The following RNF144A variants were observed in gnomAD, a reference collection of about 807,000 sequenced individuals.
The protein encoded by RNF144A is ring finger protein 144A.
A neutral mutation model predicts 38.7 loss-of-function variants in RNF144A; 11 were observed. That is an observed-to-expected ratio of 0.28 (90% confidence interval 0.18 to 0.47). The LOEUF is 0.47. Ranked by LOEUF, RNF144A falls within the 20% of genes least tolerant of loss-of-function variation. RNF144A has a pLI of 0.99. For missense variants in RNF144A, 316 were observed against 377.2 expected (o/e 0.84, Z 1.34); for synonymous variants, 149 against 143.9 (o/e 1.04, Z -0.25).
At chr2:7,036,549 A>G (rs778056130) in intron 8 of RNF144A, among the ~76,000 whole-genome samples, 2 of 152,212 alleles carry the variant, frequency 1.3e-5, no homozygotes, top group Non-Finnish European at 2.9e-5. Flanking sequence ...GGCACGATCT[A>G]TCTCTTGTAC....
At chr2:7,067,752 G>T (rs1171430894) in intron 6 of RNF144A, among the ~76,000 whole-genome samples, 2 of 152,200 alleles carry the variant, frequency 1.3e-5, no homozygotes, top group Admixed American at 6.5e-5. Context: ...ACTGTAGCCA[G>T]TCACCTGAAG....
In RNF144A at chr2:7,032,721, G is replaced by A. The variant is rs146419235; in HGVS notation, c.747+2506G>A. Among the ~76,000 whole-genome samples the A allele has an allele frequency of 1.0e-3, 159 of 152,298 alleles. 1 individual carries two copies. The highest frequency in any genetic ancestry group is 3.6e-3 in the African/African-American group (148 of 41,540). On this transcript the variant is annotated intron_variant, in intron 8 of 8. Coordinates refer to ENST00000320892, the MANE Select transcript of RNF144A (RefSeq NM_014746.6). ...TCAGTGGTATGGGATCGAGGCCCAC[G>A]CTAATCACCTCATGGTAACTTGATT...
intron 6 of RNF144A, among the ~76,000 whole-genome samples, chr2:7,062,010 T>A (rs1673974615): frequency 6.6e-6 from 1 of 152,236 alleles, no homozygotes; most frequent in African/African-American, 2.4e-5. Context: ...TTTGTTATTG[T>A]CCCTGAGTTG....
chr2:6,965,109 A>T (rs184166101), intron 2 of RNF144A, among the ~76,000 whole-genome samples: 50 of 152,284 alleles, frequency 3.3e-4, no homozygotes, highest in African/African-American at 1.1e-3. Flanking sequence ...GGAATTGTCC[A>T]CAAACAGGTG....
chr2:7,047,029 C>T (rs542295911), downstream of RNF144A, among the ~76,000 whole-genome samples: 3 of 152,234 alleles, frequency 2.0e-5, no homozygotes, highest in Non-Finnish European at 2.9e-5. Context: ...ATGAAAAGCC[C>T]AAAATGCAAA....
At chr2:7,067,432 TGCCACTG>T (rs1674278927) in intron 6 of RNF144A, among the ~76,000 whole-genome samples, 2 of 152,302 alleles carry the variant, frequency 1.3e-5, no homozygotes, top group African/African-American at 4.8e-5. Context: ...TCTATCAACT[TGCCACTG>T]CCTGCTCCCA....
downstream of RNF144A, among the ~76,000 whole-genome samples, chr2:7,046,577 A>G (rs1202081398): frequency 1.3e-5 from 2 of 152,260 alleles, no homozygotes; most frequent in African/African-American, 2.4e-5. Flanking sequence ...TTGCTCATGC[A>G]GTTCCACTGT....
intron 3 of RNF144A, among the ~76,000 whole-genome samples, chr2:7,008,627 T>G (rs944242842): frequency 1.3e-5 from 2 of 152,224 alleles, no homozygotes; most frequent in African/African-American, 4.8e-5. Flanking sequence ...CCAGATGCTG[T>G]TCCTGAGCAC....
At chr2:7,062,364 C>T (rs1673990106) in intron 6 of RNF144A, among the ~76,000 whole-genome samples, 1 of 151,898 alleles carries the variant, frequency 6.6e-6, no homozygotes, top group Non-Finnish European at 1.5e-5. Context: ...AATCTCAAGA[C>T]TGGTACAGAG....
chr2:7,000,839 T>C lies in RNF144A; in HGVS notation c.135+3778T>C, dbSNP rs565272875. ...CAAATAAAACATACATATACACATA[T>C]ATTTTATATATATATTGCGTTTATA... On this transcript the variant is annotated intron_variant, in intron 3 of 8. Coordinates refer to ENST00000320892, the MANE Select transcript of RNF144A (RefSeq NM_014746.6). Among the ~76,000 whole-genome samples the C allele has an allele frequency of 1.9e-3, 281 of 150,832 alleles. 2 individuals carry two copies. Among genetic ancestry groups the C allele is most frequent in the African/African-American group, 6.7e-3 (276 of 41,334 alleles).
chr2:7,033,501 G>A (rs915907160), intron 8 of RNF144A, among the ~76,000 whole-genome samples: 2 of 152,192 alleles, frequency 1.3e-5, no homozygotes, highest in African/African-American at 4.8e-5. Context: ...GGCCTGCAGC[G>A]CCCGTGCTTT....
At chr2:6,979,311 G>A (rs137915529) in intron 2 of RNF144A, among the ~76,000 whole-genome samples, 3 of 152,222 alleles carry the variant, frequency 2.0e-5, no homozygotes, top group Middle Eastern at 3.4e-3. Flanking sequence ...TTTTTTCCTG[G>A]TTATTAGGAC....
At chr2:6,995,565 G>T (rs867958363) in intron 2 of RNF144A, among the ~76,000 whole-genome samples, 1 of 152,190 alleles carries the variant, frequency 6.6e-6, no homozygotes, top group African/African-American at 2.4e-5. Context: ...TCAGTCTGTG[G>T]TCGAAGGGCC....
rs1434870894 is a variant in RNF144A at position 6,997,059 on chromosome 2, C to G, written c.133C>G (p.Leu45Val). 2.5e-6 allele frequency: 4 copies of G among 1,614,020 alleles called. No individual in the cohort carries two copies. Among genetic ancestry groups the G allele is most frequent in the Middle Eastern group, 3.3e-4 (2 of 6,062 alleles). The part of the protein sequence containing the change: ...IAQCQCIFCT[L>V]CLKQYVELLI... ...CCAGTGCCAATGCATCTTCTGTACT[C>G]TGGTTGGTCTTTTTGGATAAAATAT... Residue 45 changes from leucine (L) to valine (V), a missense_variant and splice_region_variant, in exon 3 of 9, where the codon CTG becomes GTG. Transcript: ENST00000320892.
intron 2 of RNF144A, among the ~76,000 whole-genome samples, chr2:6,960,796 G>A (rs576336321): frequency 6.6e-6 from 1 of 152,316 alleles, no homozygotes; most frequent in East Asian, 1.9e-4. Flanking sequence ...AGGCAGGTCT[G>A]TGGCAGTTTC....
chr2:6,952,077 C>T (rs1208508221), intron 2 of RNF144A, among the ~76,000 whole-genome samples: 1 of 152,064 alleles, frequency 6.6e-6, no homozygotes, highest in Non-Finnish European at 1.5e-5. Context: ...CCTTGTGTTT[C>T]TGATTTGTCG....
intron 8 of RNF144A, among the ~76,000 whole-genome samples, chr2:7,032,351 C>CGCGCCCCTTGCAGCTCTGCTCGAATCT (rs1672368142): frequency 1.3e-5 from 2 of 149,546 alleles, no homozygotes; most frequent in Non-Finnish European, 3.0e-5. Flanking sequence ...TGCTGGAATC[C>CGCGCCCCTTGCAGCTCTGCTCGAATCT]GCGCCCCTTG....
chr2:6,920,812 A>C (rs1001045498), intron 1 of RNF144A, among the ~76,000 whole-genome samples: 2 of 152,240 alleles, frequency 1.3e-5, no homozygotes, highest in African/African-American at 4.8e-5. Flanking sequence ...AAGAAATTAA[A>C]TTGAAGCCAC....
intron 6 of RNF144A, among the ~76,000 whole-genome samples, chr2:7,049,596 G>A (rs1008638436): frequency 1.3e-5 from 2 of 152,228 alleles, no homozygotes; most frequent in Non-Finnish European, 2.9e-5. Context: ...TGCAGTCAGA[G>A]TGGATCTTTT....
Sources: allele counts gnomAD v4.1 joint callset (sites outside exome capture counted in the v4.1 genomes callset), GRCh38; gene constraint gnomAD v4.1.1; transcripts MANE v1.5; gene names NCBI Gene and HGNC (gene_info 2026-07-23, HGNC 2026-07-21).